Variants in CCND3 observed in about 807,000 individuals in gnomAD.
CCND3 encodes the protein G1/S-specific cyclin-D3.
Under a neutral mutation model 28.7 loss-of-function variants are expected in CCND3, and 9 were observed. The ratio of observed to expected loss-of-function variants is 0.31; its 90% confidence interval spans 0.19 to 0.55. The LOEUF (loss-of-function observed/expected upper bound fraction) is 0.55. Among genes scored for constraint, CCND3 ranks in the 20% least tolerant of loss-of-function variants. The pLI, the probability that CCND3 is intolerant of heterozygous loss-of-function variation, is 0.93. For synonymous variants in CCND3, 164 were observed against 163.9 expected (o/e 1.00, Z 0.00); for missense variants, 315 against 385.8 (o/e 0.82, Z 1.54).
Position 41,941,101 on chromosome 6 carries a change from C to A in CCND3, c.198+351G>T. 6.5e-7 allele frequency: 1 copy of A among 1,533,070 alleles called. No individual in the cohort carries two copies. The highest frequency in any genetic ancestry group is 1.3e-5 in the South Asian group (1 of 78,852). The allele number at this position is 1,533,070 out of a possible 1,614,324, so 95.0% of individuals were successfully genotyped here. On this transcript the variant is annotated intron_variant, in intron 1 of 4. Coordinates refer to ENST00000372991, the MANE Select transcript of CCND3 (RefSeq NM_001760.5). This position sits in a 1 kb window ranked among gnomAD's most constrained non-coding sequence, Gnocchi z 6.1. ...CGGCTCCCGGGCGGGGGCGGCCGAG[C>A]CCAGGGTTTTCCAGGCGCGCTCTCC...
intron 1 of CCND3, among the ~76,000 whole-genome samples, chr6:41,949,350 C>T (rs919888134): frequency 2.4e-4 from 37 of 151,992 alleles, no homozygotes; most frequent in African/African-American, 8.5e-4. Flanking sequence ...ACTGAAAATA[C>T]AAAAATTAGC....
intron 1 of CCND3, among the ~76,000 whole-genome samples, chr6:41,959,184 C>T (rs1403282717): frequency 1.3e-5 from 2 of 152,086 alleles, no homozygotes; most frequent in African/African-American, 2.4e-5. Flanking sequence ...AGTGATAGCG[C>T]ATACCTGTAA....
chr6:42,042,761 T>C (rs1223482488), intron 1 of CCND3, among the ~76,000 whole-genome samples: 2 of 152,118 alleles, frequency 1.3e-5, no homozygotes, highest in Admixed American at 6.5e-5. Flanking sequence ...GCCGTGAGGA[T>C]GCAAAAAAGA....
At chr6:42,038,030 CAAAA>C (rs11286915) in intron 1 of CCND3, among the ~76,000 whole-genome samples, 11 of 85,894 alleles carry the variant, frequency 1.3e-4, no homozygotes, top group Non-Finnish European at 7.4e-5. Flanking sequence ...GACTCGGTCT[CAAAA>C]AAAAAAAAAA....
intron 1 of CCND3, among the ~76,000 whole-genome samples, chr6:41,989,162 A>G (rs759666570): frequency 4.6e-5 from 7 of 152,156 alleles, no homozygotes; most frequent in Non-Finnish European, 1.0e-4. Flanking sequence ...AATCTCAACA[A>G]TAAGAAAACA....
intron 1 of CCND3, among the ~76,000 whole-genome samples, chr6:41,948,845 CAA>C (rs112279157): frequency 1.9e-4 from 18 of 95,386 alleles, no homozygotes; most frequent in Non-Finnish European, 2.1e-4. Flanking sequence ...GACTCCATCT[CAA>C]AAAAAAAAAA....
At chr6:41,987,507 CTCTCTCTCTCTGTGTGTGTGTGTGTGTG>C (rs199777121) in intron 1 of CCND3, among the ~76,000 whole-genome samples, 678 of 63,220 alleles carry the variant, frequency 0.011, 8 homozygotes, top group East Asian at 0.08. Flanking sequence ...CTCTCTCTCT[CTCTCTCTCTCTGTGTGTGTGTGTGTGTG>C]TGTGTGTGTG....
rs1484014119 is a variant in CCND3 at position 41,941,107 on chromosome 6, G to A, written c.198+345C>T. The A allele has an allele frequency of 6.6e-6, 10 of 1,526,070 alleles. No homozygotes were observed. The highest frequency in any genetic ancestry group is 1.4e-5 in the African/African-American group (1 of 72,164). 94.5% of individuals were successfully genotyped at this position (1,526,070 alleles called of 1,614,324 possible). A position where few individuals can be genotyped will look rare whatever the true frequency, so the allele number is the denominator to read the frequency against. ...CCGGGCGGGGGCGGCCGAGCCCAGG[G>A]TTTTCCAGGCGCGCTCTCCGGAGAA... On this transcript the variant is annotated intron_variant, in intron 1 of 4. Coordinates refer to ENST00000372991, the MANE Select transcript of CCND3 (RefSeq NM_001760.5). This position sits in a 1 kb window ranked among gnomAD's most constrained non-coding sequence, Gnocchi z 6.1.
intron 1 of CCND3, among the ~76,000 whole-genome samples, chr6:41,958,088 C>T (rs1003354232): frequency 1.3e-5 from 2 of 150,618 alleles, no homozygotes; most frequent in South Asian, 4.2e-4. Context: ...ACCTCCACCT[C>T]CTGGGTTCAA....
At chr6:41,984,926 A>G (rs555327538) in intron 1 of CCND3, among the ~76,000 whole-genome samples, 7 of 152,314 alleles carry the variant, frequency 4.6e-5, no homozygotes, top group African/African-American at 1.7e-4. Flanking sequence ...AGAAAGGTCT[A>G]TTAAAGTCTT....
chr6:41,969,026 C>T (rs542553478), intron 1 of CCND3, among the ~76,000 whole-genome samples: 5 of 152,132 alleles, frequency 3.3e-5, no homozygotes, highest in African/African-American at 1.2e-4. Flanking sequence ...AAACTCCTGA[C>T]CTAAAGTGAT....
At chr6:42,003,525 CAA>C (rs61494473) in intron 1 of CCND3, among the ~76,000 whole-genome samples, 1 of 73,500 alleles carries the variant, frequency 1.4e-5, no homozygotes, top group African/African-American at 8.1e-5. Flanking sequence ...GACTCTGTCT[CAA>C]AAAAAAAAAA....
At chr6:42,024,747 CCT>C (rs1281536248) in intron 1 of CCND3, among the ~76,000 whole-genome samples, 10 of 152,032 alleles carry the variant, frequency 6.6e-5, no homozygotes, top group Admixed American at 2.0e-4. Context: ...ATGGTGAAAC[CCT>C]GTCTCTACTA....
upstream of CCND3, among the ~76,000 whole-genome samples, chr6:41,946,554 T>C (rs185104480): frequency 1.6e-4 from 19 of 116,952 alleles, no homozygotes; most frequent in East Asian, 5.5e-3. Context: ...TGAGCCCAGA[T>C]CGCACTACTG....
At chr6:42,041,708 C>T (rs1025736178) in intron 1 of CCND3, among the ~76,000 whole-genome samples, 2 of 152,150 alleles carry the variant, frequency 1.3e-5, no homozygotes, top group Non-Finnish European at 2.9e-5. Context: ...TCCCCTGGGC[C>T]TTATTCCCAG....
At chr6:41,937,031 A>C in intron 3 of CCND3, 1 of 625,702 alleles carries the variant, frequency 1.6e-6, no homozygotes, top group South Asian at 2.0e-5. Context: ...CTATACCCTC[A>C]GTGTCCCCAC....
At chr6:42,007,761 A>G (rs1763217886) in intron 1 of CCND3, among the ~76,000 whole-genome samples, 1 of 152,274 alleles carries the variant, frequency 6.6e-6, no homozygotes, top group South Asian at 2.1e-4. Flanking sequence ...GATCGAGAGC[A>G]GCTCACGGAT....
chr6:42,007,189 G>GT (rs1763201268), intron 1 of CCND3, among the ~76,000 whole-genome samples: 1 of 152,054 alleles, frequency 6.6e-6, no homozygotes, highest in African/African-American at 2.4e-5. Context: ...GAAACAACAT[G>GT]TTTTTACTTT....
chr6:42,012,529 A>G (rs1348282760), intron 1 of CCND3, among the ~76,000 whole-genome samples: 5 of 152,100 alleles, frequency 3.3e-5, no homozygotes, highest in Admixed American at 2.6e-4. Flanking sequence ...TGAACCTGGG[A>G]GGTGGAGGTT....
Sources: allele counts gnomAD v4.1 joint callset (sites outside exome capture counted in the v4.1 genomes callset), GRCh38; gene constraint gnomAD v4.1.1; non-coding constraint Gnocchi (gnomAD v3.1); transcripts MANE v1.5; gene names NCBI Gene and HGNC (gene_info 2026-07-23, HGNC 2026-07-21).